Variants in DCBLD2 observed in about 807,000 individuals in gnomAD.
DCBLD2 encodes the protein discoidin, CUB and LCCL domain-containing protein 2.
In DCBLD2, 54 loss-of-function variants were observed where a neutral mutation model predicts 86.8. The observed-to-expected ratio is 0.62, with a 90% CI of 0.50 to 0.78. The LOEUF (loss-of-function observed/expected upper bound fraction) is 0.78, where lower values mean the gene tolerates loss of function less well. DCBLD2 is among the 30% of genes least tolerant of loss of function. The pLI is 0.00. For synonymous variants in DCBLD2, 354 were observed against 341.3 expected (o/e 1.04, Z -0.41); for missense variants, 908 against 954.2 (o/e 0.95, Z 0.64).
intron 4 of DCBLD2, 84 bp downstream of exon 4, chr3:98,825,231 G>C (rs1221556877): frequency 9.9e-7 from 1 of 1,011,806 alleles, no homozygotes. Flanking sequence ...TTAACCCTAA[G>C]AGTATACAGA....
chr3:98,805,346 T>C (rs1200352378), intron 13 of DCBLD2, among the ~76,000 whole-genome samples: 2 of 152,148 alleles, frequency 1.3e-5, no homozygotes, highest in African/African-American at 4.8e-5. Context: ...AATGCTCTAA[T>C]CATCACATGA....
At position 98,817,845 on chromosome 3, in the gene DCBLD2, G is replaced by A. The variant is rs1559772345; in HGVS notation, c.1136C>T (p.Ser379Phe). Reference protein sequence around the residue: ...STMVEHNYYVSAYRILYSDDG... With the variant: ...STMVEHNYYVFAYRILYSDDG... ...ATCACTGTACAGGATTCTGTAGGCAGACACATAGTAATTGTGCTCCACCAT... is the reference window on the plus strand; with the variant it reads ...ATCACTGTACAGGATTCTGTAGGCAAACACATAGTAATTGTGCTCCACCAT... The change falls in exon 9 of 16, where the codon TCT becomes TTT. Residue 379 changes from serine to phenylalanine, a missense_variant. Ser to Phe is a radical substitution (Grantham distance 155, BLOSUM62 -2). Around this residue, in one of 3 missense-constraint regions of DCBLD2, gnomAD observed 606 missense variants for 678.5 expected, o/e 0.89. Coordinates refer to ENST00000326840, the MANE Select transcript of DCBLD2 (RefSeq NM_080927.4). The A allele has an allele frequency of 5.0e-6, 8 of 1,613,716 alleles. No homozygotes were observed. In the Admixed American group the frequency reaches 1.3e-4, roughly 27 times the overall value.
intron 8 of DCBLD2, among the ~76,000 whole-genome samples, chr3:98,818,403 C>T (rs1013900915): frequency 3.9e-5 from 6 of 151,948 alleles, no homozygotes; most frequent in African/African-American, 1.5e-4. Context: ...CTGTAGGAGA[C>T]CGTTATTTTA....
At chr3:98,864,043 C>G (rs190684602) in intron 2 of DCBLD2, among the ~76,000 whole-genome samples, 8 of 151,982 alleles carry the variant, frequency 5.3e-5, no homozygotes, top group African/African-American at 1.7e-4. Context: ...AGTGGGCGAA[C>G]GATATGAACA....
intron 2 of DCBLD2, among the ~76,000 whole-genome samples, chr3:98,852,252 T>A (rs1480556954): frequency 7.1e-3 from 52 of 7,366 alleles, no homozygotes; most frequent in East Asian, 0.038. Flanking sequence ...GATATTTCTT[T>A]TTTTTTTTTT....
chr3:98,886,808 CCT>C lies in DCBLD2; in HGVS notation c.206-5043_206-5042del, dbSNP rs1491453885. Among the ~76,000 whole-genome samples the C allele has an allele frequency of 1.5e-3, 186 of 125,320 alleles. 3 individuals carry two copies. Among genetic ancestry groups the C allele is most frequent in the African/African-American group, 2.6e-3 (86 of 33,616 alleles). The allele number at this position is 125,320 out of a possible 152,430, so 82.2% of individuals were successfully genotyped here. ...GATATTATTACAGGAAAACCCCCCC[CCT>C]TTTTTTTTTTTTTTTACTACTTATC... On this transcript the variant is annotated intron_variant, in intron 1 of 15. Coordinates refer to ENST00000326840, the MANE Select transcript of DCBLD2 (RefSeq NM_080927.4).
chr3:98,804,749 G>A (rs1167361114), intron 13 of DCBLD2, among the ~76,000 whole-genome samples: 3 of 152,140 alleles, frequency 2.0e-5, no homozygotes, highest in Admixed American at 1.3e-4. Context: ...TTGTGTCTTT[G>A]CTCTCATTGG....
At chr3:98,887,701 C>T (rs1003850710) in intron 1 of DCBLD2, among the ~76,000 whole-genome samples, 1 of 151,896 alleles carries the variant, frequency 6.6e-6, no homozygotes, top group African/African-American at 2.4e-5. Context: ...GTTTTAGGTT[C>T]ATAATAAAAC....
chr3:98,864,120 C>A (rs1943097113), intron 2 of DCBLD2, among the ~76,000 whole-genome samples: 2 of 152,136 alleles, frequency 1.3e-5, no homozygotes, highest in African/African-American at 4.8e-5. Flanking sequence ...TCATCACTGG[C>A]CATCAGAGAA....
rs377040865 is a variant in DCBLD2 at position 98,799,709 on chromosome 3, T to G, written c.1991A>C (p.His664Pro). Residue 664 changes from histidine to proline, a missense_variant, in exon 16 of 16, where the codon CAT becomes CCT. Physicochemically the swap from His to Pro is moderately conservative, Grantham distance 77. Coordinates refer to ENST00000326840, the MANE Select transcript of DCBLD2 (RefSeq NM_080927.4). Reference sequence around the variant, plus strand: ...AATTGGGAGTGGTTCAGCATAGGCATGATAAACTTCCTGCCCTGGTGAGTT... The same window carrying G: ...AATTGGGAGTGGTTCAGCATAGGCAGGATAAACTTCCTGCCCTGGTGAGTT... ...PYNSPGQEVY[H>P]AYAEPLPITG... is the part of the protein sequence containing the mutation. 1 of 1,614,024 alleles carries G rather than the reference T, an allele frequency of 6.2e-7. No individual in the cohort carries two copies. Among genetic ancestry groups the G allele is most frequent in the African/African-American group, 1.3e-5 (1 of 75,066 alleles).
intron 2 of DCBLD2, among the ~76,000 whole-genome samples, chr3:98,856,952 G>A (rs1371291303): frequency 6.6e-6 from 1 of 152,226 alleles, no homozygotes; most frequent in Admixed American, 6.5e-5. Flanking sequence ...ACATATAAGT[G>A]TGTCCAGAAT....
At chr3:98,880,806 G>A (rs1460848766) in intron 2 of DCBLD2, among the ~76,000 whole-genome samples, 3 of 152,166 alleles carry the variant, frequency 2.0e-5, no homozygotes, top group Non-Finnish European at 4.4e-5. Context: ...CACACAGCAA[G>A]CTGATGAGAG....
At chr3:98,894,928 T>C (rs1576208980) in intron 1 of DCBLD2, among the ~76,000 whole-genome samples, 2 of 152,042 alleles carry the variant, frequency 1.3e-5, no homozygotes, top group Non-Finnish European at 2.9e-5. Context: ...GAATGTATTA[T>C]CCGGAGATGA....
intron 1 of DCBLD2, 122 bp from the exon 2 acceptor site, chr3:98,881,889 CTATTT>C (rs1943478610): frequency 5.1e-6 from 5 of 981,120 alleles, no homozygotes; most frequent in Middle Eastern, 3.4e-4. Flanking sequence ...CCCATACTTT[CTATTT>C]TATTTTTTTT....
At chr3:98,801,797 C>A (rs1303658084) in intron 13 of DCBLD2, 148 bp from the exon 14 acceptor site, 1 of 550,890 alleles carries the variant, frequency 1.8e-6, no homozygotes, top group Non-Finnish European at 3.2e-6. Context: ...TGAGTGAGAA[C>A]ATGCGGTGTT....
chr3:98,858,817 C>G (rs1356671596), intron 2 of DCBLD2, among the ~76,000 whole-genome samples: 3 of 152,190 alleles, frequency 2.0e-5, no homozygotes, highest in Non-Finnish European at 4.4e-5. Flanking sequence ...AAAAAATGTT[C>G]TGGGTCCTCC....
chr3:98,871,454 T>C (rs1273822478), intron 2 of DCBLD2, among the ~76,000 whole-genome samples: 2 of 152,146 alleles, frequency 1.3e-5, no homozygotes, highest in African/African-American at 2.4e-5. Context: ...AGGTATGTTC[T>C]TTCTGTGCCT....
intron 12 of DCBLD2, among the ~76,000 whole-genome samples, chr3:98,808,750 T>G (rs1244784794): frequency 6.6e-6 from 1 of 152,162 alleles, no homozygotes; most frequent in African/African-American, 2.4e-5. Context: ...AGTTATTTTT[T>G]AATGGAAATA....
chr3:98,886,804 C>CA (rs1943571124), intron 1 of DCBLD2, among the ~76,000 whole-genome samples: 1 of 136,928 alleles, frequency 7.3e-6, no homozygotes, highest in Non-Finnish European at 1.6e-5. Flanking sequence ...AGGAAAACCC[C>CA]CCCCCTTTTT....
Sources: gnomAD v4.1 joint callset for allele counts (sites outside exome capture counted in the v4.1 genomes callset) on GRCh38, gnomAD v4.1.1 for gene constraint, gnomAD v4.1.1 regional missense constraint, MANE v1.5 for transcripts, NCBI Gene and HGNC (gene_info 2026-07-23, HGNC 2026-07-21) for gene names.